The following AMPH variants were observed in gnomAD, a reference collection of about 807,000 sequenced individuals.
The protein encoded by AMPH is amphiphysin (Stiff-Mann syndrome with breast cancer 128kD autoantigen).
AMPH carries 49 observed loss-of-function variants against 99.1 expected under a neutral mutation model. The ratio of observed to expected loss-of-function variants is 0.49; its 90% confidence interval spans 0.39 to 0.63. The LOEUF is 0.63. Ranked by LOEUF, AMPH falls within the 20% of genes least tolerant of loss-of-function variation. The pLI is 0.00. For synonymous variants in AMPH, 314 were observed against 317.3 expected (o/e 0.99, Z 0.11); for missense variants, 759 against 863.4 (o/e 0.88, Z 1.52).
intron 16 of AMPH, among the ~76,000 whole-genome samples, chr7:38,418,481 CAA>C (rs913238635): frequency 1.4e-4 from 22 of 152,274 alleles, no homozygotes; most frequent in African/African-American, 5.3e-4. Flanking sequence ...CCAAAAAAAT[CAA>C]AGAGTCATTC....
chr7:38,592,658 G>A (rs73126149), intron 1 of AMPH, among the ~76,000 whole-genome samples: 8,753 of 151,632 alleles, frequency 0.058, 423 homozygotes, highest in East Asian at 0.25. Flanking sequence ...TTGAACCCAG[G>A]TGGTGGATGT....
At chr7:38,434,709 A>G (rs1414402622) in intron 12 of AMPH, among the ~76,000 whole-genome samples, 4 of 150,810 alleles carry the variant, frequency 2.7e-5, no homozygotes, top group African/African-American at 9.8e-5. Context: ...ACTGCACTCC[A>G]GCCTGGGCAT....
chr7:38,612,078 TGTC>T (rs147217831), intron 1 of AMPH, among the ~76,000 whole-genome samples: 4 of 134,284 alleles, frequency 3.0e-5, no homozygotes, highest in Admixed American at 8.5e-5. Context: ...ACTGATTTTT[TGTC>T]TTCTTCTTTT....
At chr7:38,497,531 T>C (rs564813455) in intron 3 of AMPH, among the ~76,000 whole-genome samples, 3 of 152,358 alleles carry the variant, frequency 2.0e-5, no homozygotes, top group Admixed American at 6.5e-5. Context: ...CCTTTAAGAC[T>C]TGTTGCATAG....
intron 1 of AMPH, among the ~76,000 whole-genome samples, chr7:38,541,650 G>A (rs1790812563): frequency 6.6e-6 from 1 of 152,150 alleles, no homozygotes; most frequent in Non-Finnish European, 1.5e-5. Flanking sequence ...AACACTTCTG[G>A]GAAAGTAAAC....
At chr7:38,492,039 A>G (rs1426510031) in intron 4 of AMPH, among the ~76,000 whole-genome samples, 1 of 152,238 alleles carries the variant, frequency 6.6e-6, no homozygotes, top group Admixed American at 6.5e-5. Context: ...TGTCATCTTC[A>G]CATTTCTCTC....
rs772803854 is a variant in AMPH at position 38,476,980 on chromosome 7, G to A, written c.397-11C>T. The A allele has an allele frequency of 1.2e-6, 2 of 1,611,276 alleles. No homozygotes were observed. Among genetic ancestry groups the A allele is most frequent in the Non-Finnish European group, 1.7e-6 (2 of 1,177,660 alleles). The stretch of plus-strand genomic sequence containing the variant: ...CTTGGCGATGCGATTCTGTCAACAG[G>A]AAATGCACTCACTAAGAAAGAAGCA... On this transcript the variant is annotated splice_polypyrimidine_tract_variant and intron_variant, in intron 5 of 20. Coordinates refer to ENST00000356264, the MANE Select transcript of AMPH (RefSeq NM_001635.4).
At chr7:38,423,329 T>C (rs748459815) in intron 15 of AMPH, among the ~76,000 whole-genome samples, 1 of 152,178 alleles carries the variant, frequency 6.6e-6, no homozygotes, top group Non-Finnish European at 1.5e-5. Flanking sequence ...TCTCATTACA[T>C]TGGTAGCCAG....
intron 1 of AMPH, among the ~76,000 whole-genome samples, chr7:38,541,838 G>A (rs533910936): frequency 1.3e-4 from 20 of 152,256 alleles, no homozygotes; most frequent in East Asian, 7.7e-4. Flanking sequence ...AGGCAACTGC[G>A]AATTAGAAAA....
intron 9 of AMPH, among the ~76,000 whole-genome samples, chr7:38,463,733 T>C (rs1291654692): frequency 6.6e-6 from 1 of 152,230 alleles, no homozygotes; most frequent in East Asian, 1.9e-4. Context: ...CATCTTGAAA[T>C]GTGCAACAAA....
At chr7:38,469,318 T>C (rs3807423) in intron 7 of AMPH, among the ~76,000 whole-genome samples, 7,537 of 152,220 alleles carry the variant, frequency 0.05, 428 homozygotes, top group East Asian at 0.29. Flanking sequence ...AGGACACTTC[T>C]TATTAGCTGT....
intron 11 of AMPH, among the ~76,000 whole-genome samples, chr7:38,455,224 C>T (rs1267619527): frequency 6.6e-6 from 1 of 152,108 alleles, no homozygotes; most frequent in African/African-American, 2.4e-5. Context: ...GCATGCACCA[C>T]CATGCCCGGC....
chr7:38,385,015 T>C, intron 20 of AMPH, 90 bp from the exon 21 acceptor site: 1 of 1,205,268 alleles, frequency 8.3e-7, no homozygotes, highest in Non-Finnish European at 1.2e-6. Context: ...TACATTAGTG[T>C]TGTGGTTCTG....
At chr7:38,493,104 G>A (rs1036330906) in intron 4 of AMPH, among the ~76,000 whole-genome samples, 2 of 152,154 alleles carry the variant, frequency 1.3e-5, no homozygotes, top group African/African-American at 4.8e-5. Flanking sequence ...GTTATAAGAA[G>A]ATTATGAAGC....
At chr7:38,462,726 G>A (rs750178518) in intron 10 of AMPH, among the ~76,000 whole-genome samples, 4 of 152,140 alleles carry the variant, frequency 2.6e-5, no homozygotes, top group Admixed American at 1.3e-4. Context: ...GAGCATGCTC[G>A]CCTGAGCATG....
intron 7 of AMPH, among the ~76,000 whole-genome samples, chr7:38,468,722 C>T (rs1386529089): frequency 1.3e-5 from 2 of 152,106 alleles, no homozygotes; most frequent in East Asian, 1.9e-4. Flanking sequence ...GCACCTAGTA[C>T]ACGGCAAGCA....
chr7:38,557,139 C>T (rs1203607895), intron 1 of AMPH, among the ~76,000 whole-genome samples: 2 of 152,108 alleles, frequency 1.3e-5, no homozygotes, highest in Non-Finnish European at 2.9e-5. Context: ...TGGGACAAAA[C>T]AGCAGGCAAG....
At chr7:38,619,566 G>A (rs550326642) in intron 1 of AMPH, among the ~76,000 whole-genome samples, 6 of 152,104 alleles carry the variant, frequency 3.9e-5, no homozygotes, top group Non-Finnish European at 5.9e-5. Context: ...CCCAACAACA[G>A]CAAAAAACAG....
intron 1 of AMPH, among the ~76,000 whole-genome samples, chr7:38,586,506 T>C (rs754881966): frequency 5.9e-5 from 9 of 152,204 alleles, no homozygotes; most frequent in Non-Finnish European, 1.0e-4. Context: ...CAAATCAAGA[T>C]ATGAAAGGGC....
Sources: gnomAD v4.1 joint callset for allele counts (sites outside exome capture counted in the v4.1 genomes callset) on GRCh38, gnomAD v4.1.1 for gene constraint, MANE v1.5 for transcripts, NCBI Gene and HGNC (gene_info 2026-07-23, HGNC 2026-07-21) for gene names.